The following VWA8 variants were observed in gnomAD, a reference collection of about 807,000 sequenced individuals.
The protein encoded by VWA8 is von Willebrand factor A domain containing 8, also known as von Willebrand factor A domain-containing protein 8.
A neutral mutation model predicts 241.5 loss-of-function variants in VWA8; 221 were observed. The observed-to-expected ratio is 0.91, with a 90% CI of 0.82 to 1.02. VWA8 has a LOEUF of 1.02. Ranked by LOEUF, VWA8 falls within the 50% of genes least tolerant of loss-of-function variation. The pLI, the probability that VWA8 is intolerant of heterozygous loss-of-function variation, is 0.00. For missense variants in VWA8, 2,322 were observed against 2,328.7 expected (o/e 1.00, Z 0.06); for synonymous variants, 852 against 827.1 (o/e 1.03, Z -0.52).
In VWA8 at chr13:41,732,132, G is replaced by A. The variant is rs746924515; in HGVS notation, c.2450C>T (p.Thr817Met). 33 of 1,612,742 alleles carry A rather than the reference G, an allele frequency of 2.0e-5. No homozygotes were observed. The highest frequency in any genetic ancestry group is 1.6e-4 in the Middle Eastern group (1 of 6,078). Residue 817 changes from threonine to methionine, a missense_variant, in exon 22 of 45, where the codon ACG (threonine) becomes ATG (methionine). Thr to Met is a moderately conservative substitution (Grantham distance 81, BLOSUM62 -1). Transcript: ENST00000379310. ...TCCGTCTTTAACCGAAGGCTGAAGC[G>A]TAAGAGTTTGTACTGTGGTATCCCT... Reference protein sequence around the residue: ...LHRDTTVQTLTLQPSVKDGLI... With the variant: ...LHRDTTVQTLMLQPSVKDGLI...
chr13:41,828,860 A>G (rs1375761254), intron 14 of VWA8, among the ~76,000 whole-genome samples: 1 of 151,428 alleles, frequency 6.6e-6, no homozygotes, highest in African/African-American at 2.4e-5. Context: ...TAATTTTTTT[A>G]TAGCCGTTTT....
At chr13:41,571,723 C>T (rs1392264921) in intron 43 of VWA8, among the ~76,000 whole-genome samples, 9 of 152,224 alleles carry the variant, frequency 5.9e-5, no homozygotes, top group Admixed American at 5.9e-4. Flanking sequence ...AGCCGCCTGC[C>T]TTGGCCTCCC....
chr13:41,811,560 A>G (rs1357148571), intron 16 of VWA8, among the ~76,000 whole-genome samples: 5 of 152,176 alleles, frequency 3.3e-5, no homozygotes, highest in Admixed American at 1.3e-4. Flanking sequence ...TATCAATTAA[A>G]TTTAATTAAT....
intron 40 of VWA8, among the ~76,000 whole-genome samples, chr13:41,592,356 T>C (rs1180538678): frequency 6.7e-6 from 1 of 148,232 alleles, no homozygotes; most frequent in Non-Finnish European, 1.5e-5. Context: ...TTGGGAGATA[T>C]ACCTAATGCT....
Position 41,567,346 on chromosome 13 carries a change from A to G in VWA8, c.*851T>C, listed in dbSNP as rs536733271. 2.0e-5 allele frequency: 3 copies of G among 152,346 alleles called. No homozygotes were observed. The highest frequency in any genetic ancestry group is 1.3e-4 in the Admixed American group (2 of 15,306). 9.4% of individuals were successfully genotyped at this position (152,346 alleles called of 1,614,324 possible). ...TTACTTTGCTTTAGGTAATTTTTATATGAATATTCTCAATAAATAATTTTC... is the reference window on the plus strand; with the variant it reads ...TTACTTTGCTTTAGGTAATTTTTATGTGAATATTCTCAATAAATAATTTTC... On this transcript the variant is annotated 3_prime_UTR_variant, in exon 45 of 45. Transcript: ENST00000379310.
intron 37 of VWA8, among the ~76,000 whole-genome samples, chr13:41,663,047 T>C (rs1176871211): frequency 6.6e-6 from 1 of 152,196 alleles, no homozygotes; most frequent in African/African-American, 2.4e-5. Flanking sequence ...CCTCAATCCA[T>C]ATGCTATCAT....
chr13:41,801,330 A>G (rs1869951875), intron 17 of VWA8, among the ~76,000 whole-genome samples: 1 of 152,166 alleles, frequency 6.6e-6, no homozygotes. Flanking sequence ...GAGGAATTTC[A>G]TTTTAGCTGG....
chr13:41,631,313 C>T (rs181160783), intron 37 of VWA8, among the ~76,000 whole-genome samples: 43 of 152,240 alleles, frequency 2.8e-4, no homozygotes, highest in African/African-American at 1.0e-3. Context: ...AGTCACTGTG[C>T]CTGGCTTAGA....
chr13:41,615,154 A>G (rs1488420872), intron 37 of VWA8, 70 bp from the exon 38 acceptor site: 132 of 1,517,806 alleles, frequency 8.7e-5, no homozygotes, highest in Non-Finnish European at 1.2e-4. Flanking sequence ...ACAGAAAAAA[A>G]AATTATTTTC....
At chr13:41,758,421 T>TATTCCATATATATGGA (rs1566444770) in intron 21 of VWA8, among the ~76,000 whole-genome samples, 3 of 64,308 alleles carry the variant, frequency 4.7e-5, no homozygotes, top group African/African-American at 1.4e-4. Flanking sequence ...TATATATATA[T>TATTCCATATATATGGA]ATATATATAC....
intron 26 of VWA8, among the ~76,000 whole-genome samples, chr13:41,714,400 A>G (rs1251984256): frequency 6.6e-6 from 1 of 152,004 alleles, no homozygotes; most frequent in Admixed American, 6.6e-5. Flanking sequence ...GAGAGAATGA[A>G]CATTTAAGTA....
intron 40 of VWA8, among the ~76,000 whole-genome samples, chr13:41,598,424 TA>T (rs1050698630): frequency 6.6e-6 from 1 of 152,104 alleles, no homozygotes; most frequent in African/African-American, 2.4e-5. Flanking sequence ...TTTGAGTTTT[TA>T]AAAAATATAT....
chr13:41,911,047 TTG>T (rs1473617966), intron 3 of VWA8, among the ~76,000 whole-genome samples: 1 of 149,974 alleles, frequency 6.7e-6, no homozygotes, highest in Non-Finnish European at 1.5e-5. Flanking sequence ...CGGAAAACAT[TTG>T]TACATTTTCT....
intron 40 of VWA8, among the ~76,000 whole-genome samples, chr13:41,603,435 G>A (rs1304424629): frequency 1.3e-5 from 2 of 152,154 alleles, no homozygotes; most frequent in Non-Finnish European, 2.9e-5. Flanking sequence ...AGGATTAAAT[G>A]TGATAGTGCT....
Position 41,852,531 on chromosome 13 carries a change from C to T in VWA8, c.1425+13205G>A, listed in dbSNP as rs1315024969. On this transcript the variant is annotated intron_variant, in intron 12 of 44. Coordinates refer to ENST00000379310, the MANE Select transcript of VWA8 (RefSeq NM_015058.2). ...TGGTATCATCTCCAAAATACTGTTA[C>T]CCAGACCAATATCTGCAAGCTTTTC... Among the ~76,000 whole-genome samples, 3 of 152,068 alleles carry T rather than the reference C, an allele frequency of 2.0e-5. No individual in the cohort carries two copies. The South Asian group carries it at 6.2e-4, about 32-fold the overall frequency.
Position 41,685,043 on chromosome 13 carries a change from T to C in VWA8, c.4327+4A>G, listed in dbSNP as rs770762350. 6.2e-7 allele frequency: 1 copy of C among 1,611,380 alleles called. No individual in the cohort carries two copies. Among genetic ancestry groups the C allele is most frequent in the Non-Finnish European group, 8.5e-7 (1 of 1,179,116 alleles). On this transcript the variant is annotated splice_donor_region_variant and intron_variant, in intron 35 of 44. Transcript: ENST00000379310. ...AAATTAGGAATTGGTGAGTTCCTTC[T>C]TACCTTTTGGGTAGATATCTTTTAG...
At chr13:41,758,580 C>T (rs949344179) in intron 21 of VWA8, among the ~76,000 whole-genome samples, 59 of 148,454 alleles carry the variant, frequency 4.0e-4, no homozygotes, top group Non-Finnish European at 6.7e-4. Flanking sequence ...CCTTGTTTAA[C>T]TTATTAGTTC....
intron 17 of VWA8, among the ~76,000 whole-genome samples, chr13:41,789,591 C>T (rs1458767602): frequency 3.9e-5 from 6 of 152,124 alleles, no homozygotes; most frequent in East Asian, 1.9e-4. Context: ...ACTAAGCTAA[C>T]GCAAATAACT....
intron 37 of VWA8, among the ~76,000 whole-genome samples, chr13:41,622,707 T>C (rs1292291023): frequency 1.3e-5 from 2 of 152,102 alleles, no homozygotes; most frequent in African/African-American, 2.4e-5. Context: ...TGTTCCAGAG[T>C]AAAGCCAGCA....
Sources: allele counts gnomAD v4.1 joint callset (sites outside exome capture counted in the v4.1 genomes callset), GRCh38; gene constraint gnomAD v4.1.1; transcripts MANE v1.5; gene names NCBI Gene and HGNC (gene_info 2026-07-23, HGNC 2026-07-21).